Variants in LARGE1 observed in about 807,000 individuals in gnomAD.
The protein encoded by LARGE1 is LARGE xylosyl- and glucuronyltransferase 1.
LARGE1 carries 43 observed loss-of-function variants against 87.6 expected under a neutral mutation model. That is an observed-to-expected ratio of 0.49 (90% CI 0.38 to 0.63). The LOEUF is 0.63. Among genes scored for constraint, LARGE1 ranks in the 30% least tolerant of loss-of-function variants. The pLI, the probability that LARGE1 is intolerant of heterozygous loss-of-function variation, is 0.00. For missense variants in LARGE1, 802 were observed against 1,000.2 expected (o/e 0.80, Z 2.67); for synonymous variants, 434 against 394.6 (o/e 1.10, Z -1.18).
intron 1 of LARGE1, among the ~76,000 whole-genome samples, chr22:33,849,943 T>C (rs1189832102): frequency 6.6e-6 from 1 of 152,154 alleles, no homozygotes; most frequent in Non-Finnish European, 1.5e-5. Flanking sequence ...GGTACAGTTG[T>C]TATCCCAATT....
chr22:33,113,775 C>CTT, the LARGE1 span, among the ~76,000 whole-genome samples: 2 of 152,144 alleles, frequency 1.3e-5, no homozygotes, highest in Non-Finnish European at 2.9e-5. Flanking sequence ...GAACCACACT[C>CTT]TCGTTCAAAA....
intron 9 of LARGE1, among the ~76,000 whole-genome samples, chr22:33,374,932 A>G (rs1261419670): frequency 6.6e-6 from 1 of 151,376 alleles, no homozygotes; most frequent in African/African-American, 2.4e-5. Context: ...ATTGTTTTGA[A>G]TTCTTCTTTA....
intron 6 of LARGE1, among the ~76,000 whole-genome samples, chr22:33,528,143 G>C (rs896843184): frequency 6.9e-6 from 1 of 144,498 alleles, no homozygotes; most frequent in Non-Finnish European, 1.5e-5. Flanking sequence ...GGGGGGCGGG[G>C]CGGGGTAAAA....
intron 1 of LARGE1, among the ~76,000 whole-genome samples, chr22:33,848,143 C>T (rs953189371): frequency 4.6e-5 from 7 of 152,134 alleles, no homozygotes; most frequent in Non-Finnish European, 7.4e-5. Flanking sequence ...AATCAGGCAG[C>T]GTATTTTTTT....
chr22:33,307,691 T>C (rs1371599508), intron 11 of LARGE1, among the ~76,000 whole-genome samples: 3 of 152,002 alleles, frequency 2.0e-5, no homozygotes, highest in East Asian at 3.8e-4. Flanking sequence ...AAAAAGACAA[T>C]CAACAAACCA....
chr22:33,466,041 C>G (rs2068594029), intron 6 of LARGE1, among the ~76,000 whole-genome samples: 1 of 152,188 alleles, frequency 6.6e-6, no homozygotes, highest in African/African-American at 2.4e-5. Context: ...CTATACGTCC[C>G]TACCCAATAT....
chr22:33,798,945 T>C (rs189229894), intron 1 of LARGE1, among the ~76,000 whole-genome samples: 6 of 152,294 alleles, frequency 3.9e-5, no homozygotes, highest in Admixed American at 2.0e-4. Flanking sequence ...GCATTTCAGC[T>C]TTCCACCCAA....
intron 2 of LARGE1, among the ~76,000 whole-genome samples, chr22:33,755,356 C>T (rs1428048649): frequency 2.0e-5 from 3 of 152,156 alleles, no homozygotes; most frequent in Non-Finnish European, 4.4e-5. Flanking sequence ...CCCACATTGT[C>T]CCGGACTGCC....
the LARGE1 span, among the ~76,000 whole-genome samples, chr22:33,073,654 C>A: frequency 6.6e-6 from 1 of 152,128 alleles, no homozygotes; most frequent in Non-Finnish European, 1.5e-5. Flanking sequence ...GATCTCTGAG[C>A]CTGGCTTCCC....
intron 4 of LARGE1, among the ~76,000 whole-genome samples, chr22:33,615,482 C>T (rs1333552612): frequency 1.7e-5 from 2 of 117,442 alleles, no homozygotes; most frequent in Non-Finnish European, 3.5e-5. Context: ...ACAGATTTCA[C>T]TGAAATAATT....
chr22:33,144,833 C>T, the LARGE1 span, among the ~76,000 whole-genome samples: 1 of 152,078 alleles, frequency 6.6e-6, no homozygotes. Flanking sequence ...AATGCTCAAT[C>T]ATCATAAGGA....
chr22:33,166,754 C>T (rs1460588072), exon 12 of LARGE1: 8 of 471,228 alleles, frequency 1.7e-5, no homozygotes, highest in South Asian at 1.1e-4. Context: ...AAGCCAACGC[C>T]GAGGACAATT....
At chr22:33,691,257 TGAGGGAGGGAGGAGA>T (rs1181081680) in intron 2 of LARGE1, among the ~76,000 whole-genome samples, 1 of 151,572 alleles carries the variant, frequency 6.6e-6, no homozygotes, top group African/African-American at 2.4e-5. Context: ...ATTGACATTT[TGAGGGAGGGAGGAGA>T]GAGGGAGGGA....
In LARGE1 at chr22:33,273,368, T is replaced by TAA; in HGVS notation, c.*1058_*1059insTT. On this transcript the variant is annotated 3_prime_UTR_variant, in exon 15 of 15. Transcript: ENST00000397394. The stretch of plus-strand genomic sequence containing the variant: ...GCAAGAACCAGAGGAACCCAATCAC[T>TAA]TTCTTCCTGTAGGTCTCCAGATGGA... The TAA allele has an allele frequency of 2.5e-6, 1 of 398,954 alleles. No individual in the cohort carries two copies. The allele number at this position is 398,954 out of a possible 1,614,324, so 24.7% of individuals were successfully genotyped here. A position where few individuals can be genotyped will look rare whatever the true frequency, so the allele number is the denominator to read the frequency against.
At chr22:33,117,122 A>G in the LARGE1 span, among the ~76,000 whole-genome samples, 1 of 152,308 alleles carries the variant, frequency 6.6e-6, no homozygotes, top group Non-Finnish European at 1.5e-5. Flanking sequence ...CTGTTTCCAA[A>G]GGAGCAGTGA....
At chr22:33,643,205 C>T (rs2080500248) in intron 3 of LARGE1, among the ~76,000 whole-genome samples, 1 of 151,810 alleles carries the variant, frequency 6.6e-6, no homozygotes, top group African/African-American at 2.4e-5. Flanking sequence ...TCTCTCAGAC[C>T]ACAGTGCAAT....
intron 11 of LARGE1, among the ~76,000 whole-genome samples, chr22:33,199,889 G>A (rs541510642): frequency 2.5e-4 from 37 of 149,072 alleles, no homozygotes; most frequent in African/African-American, 8.2e-4. Context: ...TTACTCTGTC[G>A]CCCAGGCTGG....
the LARGE1 span, among the ~76,000 whole-genome samples, chr22:33,080,952 T>G: frequency 5.9e-5 from 2 of 33,754 alleles, no homozygotes; most frequent in Admixed American, 5.6e-4. Context: ...CCATCTGTCT[T>G]CCATCCATCC....
At position 33,606,281 on chromosome 22, in the gene LARGE1, T is replaced by C. The variant is rs557341848; in HGVS notation, c.492-1723A>G. 1.6e-4 allele frequency among the ~76,000 whole-genome samples: 24 copies of C among 152,036 alleles called. No individual in the cohort carries two copies. In the South Asian group the frequency reaches 4.6e-3, roughly 29 times the overall value. ...TTAGCCTGGTGTGGTGGCACATGCC[T>C]GTAGTCCCAGCTACTTGGGAGGCTG... On this transcript the variant is annotated intron_variant, in intron 4 of 14. Transcript: ENST00000397394.
Sources: allele counts gnomAD v4.1 joint callset (sites outside exome capture counted in the v4.1 genomes callset), GRCh38; gene constraint gnomAD v4.1.1; transcripts MANE v1.5; gene names NCBI Gene and HGNC (gene_info 2026-07-23, HGNC 2026-07-21).